The following RCAN2 variants were observed in gnomAD, a reference collection of about 807,000 sequenced individuals.
The protein encoded by RCAN2 is calcipressin-2.
Under a neutral mutation model 23.6 loss-of-function variants are expected in RCAN2, and 9 were observed. The observed-to-expected ratio is 0.38, with a 90% CI of 0.23 to 0.67. RCAN2 has a LOEUF of 0.67. Ranked by LOEUF, RCAN2 falls within the 30% of genes least tolerant of loss-of-function variation. The probability of loss-of-function intolerance (pLI) is 0.51; values close to 1 mark genes in which losing one functional copy is unlikely to be tolerated. For missense variants in RCAN2, 273 were observed against 302.3 expected, an observed-to-expected ratio of 0.90 and a Z score of 0.72; for synonymous variants, 109 against 115.7, an observed-to-expected ratio of 0.94 and a Z score of 0.37.
chr6:46,311,871 G>A (rs1763269616), intron 2 of RCAN2, among the ~76,000 whole-genome samples: 1 of 152,136 alleles, frequency 6.6e-6, no homozygotes, highest in South Asian at 2.1e-4. Flanking sequence ...TTCCTCTTCT[G>A]TTTATAATAG....
At chr6:46,433,728 G>A (rs767139437) in intron 2 of RCAN2, among the ~76,000 whole-genome samples, 2 of 152,274 alleles carry the variant, frequency 1.3e-5, no homozygotes, top group African/African-American at 2.4e-5. Context: ...TAGGACTTCC[G>A]ACCTCCAGAA....
chr6:46,449,469 A>C (rs1040375379), intron 2 of RCAN2, among the ~76,000 whole-genome samples: 1 of 151,538 alleles, frequency 6.6e-6, no homozygotes, highest in African/African-American at 2.4e-5. Context: ...CAAAATTCCA[A>C]TAACATTTTT....
intron 2 of RCAN2, among the ~76,000 whole-genome samples, chr6:46,339,008 C>A: frequency 1.2e-5 from 1 of 84,022 alleles, no homozygotes. Flanking sequence ...AAGCGAGACC[C>A]TGTCTCAAAA....
intron 1 of RCAN2, among the ~76,000 whole-genome samples, chr6:46,466,828 T>C (rs1471807400): frequency 6.6e-6 from 1 of 152,138 alleles, no homozygotes; most frequent in African/African-American, 2.4e-5. Flanking sequence ...GCAGCGACAA[T>C]CATTGAGTGC....
chr6:46,472,125 A>G (rs1461641168), intron 1 of RCAN2, among the ~76,000 whole-genome samples: 1 of 152,208 alleles, frequency 6.6e-6, no homozygotes, highest in Non-Finnish European at 1.5e-5. Flanking sequence ...TTTTTCCCAC[A>G]ACAACGTAGC....
intron 2 of RCAN2, among the ~76,000 whole-genome samples, chr6:46,285,471 A>G (rs1762344451): frequency 6.6e-6 from 1 of 152,192 alleles, no homozygotes; most frequent in Non-Finnish European, 1.5e-5. Flanking sequence ...AGTCGCAAAT[A>G]AAGAGGTTCT....
intron 2 of RCAN2, among the ~76,000 whole-genome samples, chr6:46,348,548 G>C (rs1159957994): frequency 1.3e-5 from 2 of 152,112 alleles, no homozygotes; most frequent in Admixed American, 1.3e-4. Context: ...CTTGGTGCTG[G>C]AGCCCTGATC....
intron 2 of RCAN2, among the ~76,000 whole-genome samples, chr6:46,367,019 A>G (rs991374180): frequency 1.5e-4 from 15 of 102,806 alleles, no homozygotes; most frequent in African/African-American, 5.3e-4. Flanking sequence ...GTTATCTGGG[A>G]TGGATATATA....
intron 2 of RCAN2, among the ~76,000 whole-genome samples, chr6:46,351,427 G>A (rs952823951): frequency 2.0e-5 from 3 of 152,210 alleles, no homozygotes; most frequent in Admixed American, 1.3e-4. Context: ...AACCTATAAG[G>A]ATAGCTAGTG....
At chr6:46,410,249 C>T (rs955612624) in intron 2 of RCAN2, among the ~76,000 whole-genome samples, 4 of 152,152 alleles carry the variant, frequency 2.6e-5, no homozygotes, top group Non-Finnish European at 2.9e-5. Context: ...CCAGGTTCTC[C>T]AATTTGCAGA....
At chr6:46,447,290 A>G (rs1439156030) in intron 2 of RCAN2, among the ~76,000 whole-genome samples, 3 of 152,166 alleles carry the variant, frequency 2.0e-5, no homozygotes, top group East Asian at 3.9e-4. Context: ...TTGTAAATAT[A>G]CATGTGCCCA....
intron 2 of RCAN2, among the ~76,000 whole-genome samples, chr6:46,337,153 T>TAA (rs11461289): frequency 6.8e-4 from 103 of 150,986 alleles, no homozygotes; most frequent in Non-Finnish European, 1.1e-3. Flanking sequence ...ATCTCCATGT[T>TAA]AAAAAAAAGC....
intron 2 of RCAN2, among the ~76,000 whole-genome samples, chr6:46,426,792 A>G (rs1767044494): frequency 6.6e-6 from 1 of 152,236 alleles, no homozygotes. Context: ...ACTTAAAAAG[A>G]GTATAACACA....
chr6:46,376,815 A>T (rs1765477578), intron 2 of RCAN2, among the ~76,000 whole-genome samples: 1 of 152,122 alleles, frequency 6.6e-6, no homozygotes, highest in African/African-American at 2.4e-5. Context: ...GAAGTGGGCT[A>T]CATCTGTAAC....
intron 2 of RCAN2, among the ~76,000 whole-genome samples, chr6:46,453,054 C>A (rs964243693): frequency 3.3e-5 from 5 of 152,194 alleles, no homozygotes; most frequent in African/African-American, 4.8e-5. Flanking sequence ...TCCTACCCAG[C>A]AGACCCTTAT....
intron 2 of RCAN2, among the ~76,000 whole-genome samples, chr6:46,342,730 T>G (rs921428633): frequency 4.6e-5 from 7 of 151,398 alleles, no homozygotes; most frequent in Admixed American, 4.0e-4. Flanking sequence ...CTTGGTGTAG[T>G]TGTGGGAGAA....
chr6:46,467,741 T>G (rs1021055329), intron 1 of RCAN2, among the ~76,000 whole-genome samples: 1 of 152,236 alleles, frequency 6.6e-6, no homozygotes, highest in Non-Finnish European at 1.5e-5. Context: ...GGATTAAATG[T>G]TACACATCTT....
chr6:46,298,406 A>T (rs970871684), intron 2 of RCAN2, among the ~76,000 whole-genome samples: 16 of 152,192 alleles, frequency 1.1e-4, no homozygotes, highest in African/African-American at 3.9e-4. Flanking sequence ...TGAGCAAACC[A>T]GGTATCACAT....
intron 2 of RCAN2, among the ~76,000 whole-genome samples, chr6:46,255,227 G>A (rs1365970042): frequency 6.6e-6 from 1 of 151,976 alleles, no homozygotes; most frequent in Non-Finnish European, 1.5e-5. Context: ...GTCATTCCAA[G>A]GTGATGAGTA....
Sources: allele counts gnomAD v4.1 joint callset (sites outside exome capture counted in the v4.1 genomes callset), GRCh38; gene constraint gnomAD v4.1.1; transcripts MANE v1.5; gene names NCBI Gene and HGNC (gene_info 2026-07-23, HGNC 2026-07-21).